The following NBEA variants were observed in gnomAD, a reference collection of about 807,000 sequenced individuals.
NBEA encodes lysosomal-trafficking regulator 2.
Under a neutral mutation model 343.4 loss-of-function variants are expected in NBEA, and 44 were observed. The observed-to-expected ratio is 0.13, with a 90% CI of 0.10 to 0.16. The LOEUF is 0.16. NBEA is among the 10% of genes least tolerant of loss of function. NBEA has a pLI of 1.00. For missense variants in NBEA, 2,555 were observed against 3,631.3 expected, an observed-to-expected ratio of 0.70 and a Z score of 7.62; for synonymous variants, 1,175 against 1,238.7, an observed-to-expected ratio of 0.95 and a Z score of 1.08.
At chr13:35,233,108 A>C (rs1016812568) in intron 34 of NBEA, among the ~76,000 whole-genome samples, 2 of 152,178 alleles carry the variant, frequency 1.3e-5, no homozygotes, top group African/African-American at 4.8e-5. Flanking sequence ...GCTTACATAC[A>C]GTAAGGAGGC....
At chr13:35,612,951 T>C (rs1475403770) in intron 48 of NBEA, among the ~76,000 whole-genome samples, 1 of 152,142 alleles carries the variant, frequency 6.6e-6, no homozygotes, top group Non-Finnish European at 1.5e-5. Flanking sequence ...CAATTAATAA[T>C]TGTTTATATT....
In NBEA at chr13:35,352,095, A is replaced by G. The variant is rs988721496; in HGVS notation, c.6013-62A>G. 5 of 1,027,758 alleles carry G rather than the reference A, an allele frequency of 4.9e-6. No individual in the cohort carries two copies. The African/African-American group carries it at 6.7e-5, about 14-fold the overall frequency. The allele number at this position is 1,027,758 out of a possible 1,614,324, so 63.7% of individuals were successfully genotyped here. ...CTGTTACCGTTTAACTTAAATGTAT[A>G]TCATCCTTACTTATATGCAGTAAAA... On this transcript the variant is annotated intron_variant, in intron 37 of 58. Transcript: ENST00000379939.
At chr13:35,624,423 T>C (rs1012475102) in intron 48 of NBEA, among the ~76,000 whole-genome samples, 3 of 152,104 alleles carry the variant, frequency 2.0e-5, no homozygotes, top group African/African-American at 7.2e-5. Flanking sequence ...ATAAAGGACA[T>C]AGAAAATGAT....
intron 36 of NBEA, among the ~76,000 whole-genome samples, chr13:35,311,943 C>G (rs1247219867): frequency 1.3e-5 from 2 of 152,156 alleles, no homozygotes; most frequent in Non-Finnish European, 2.9e-5. Context: ...TGTTTCTACT[C>G]TTCATAGGAC....
At chr13:35,035,042 ATTTCT>A (rs761863937) in intron 1 of NBEA, among the ~76,000 whole-genome samples, 26 of 151,392 alleles carry the variant, frequency 1.7e-4, no homozygotes, top group Non-Finnish European at 3.4e-4. Context: ...GATCTTTATT[ATTTCT>A]TTTCTTCTAC....
chr13:35,000,741 A>G (rs910359463), intron 1 of NBEA, among the ~76,000 whole-genome samples: 2 of 151,992 alleles, frequency 1.3e-5, no homozygotes, highest in African/African-American at 4.8e-5. Flanking sequence ...ATTTTGCTTT[A>G]TCTTTATAGA....
At chr13:35,603,507 A>G (rs902024033) in intron 47 of NBEA, among the ~76,000 whole-genome samples, 1 of 152,228 alleles carries the variant, frequency 6.6e-6, no homozygotes, top group Non-Finnish European at 1.5e-5. Flanking sequence ...ATGACCACAT[A>G]TTTTATACAG....
At chr13:35,470,244 G>A (rs1274285590) in intron 40 of NBEA, among the ~76,000 whole-genome samples, 1 of 152,162 alleles carries the variant, frequency 6.6e-6, no homozygotes, top group African/African-American at 2.4e-5. Context: ...AAAATCCAAA[G>A]GAAGCCGTCC....
chr13:35,003,903 C>T (rs907390212), intron 1 of NBEA, among the ~76,000 whole-genome samples: 1 of 152,058 alleles, frequency 6.6e-6, no homozygotes, highest in African/African-American at 2.4e-5. Context: ...AAGCCCTGCA[C>T]GCATTAGCCA....
intron 8 of NBEA, among the ~76,000 whole-genome samples, chr13:35,061,045 G>A (rs889704525): frequency 6.6e-6 from 1 of 151,778 alleles, no homozygotes; most frequent in Non-Finnish European, 1.5e-5. Flanking sequence ...TGAGCTTAGT[G>A]TAGATAGCAT....
chr13:35,436,726 A>C (rs2045464224), intron 39 of NBEA, among the ~76,000 whole-genome samples: 1 of 151,984 alleles, frequency 6.6e-6, no homozygotes, highest in Admixed American at 6.6e-5. Context: ...AAAAAAAAAA[A>C]ATCTGCTTTG....
At chr13:35,518,929 A>G (rs576884110) in intron 41 of NBEA, among the ~76,000 whole-genome samples, 6 of 152,272 alleles carry the variant, frequency 3.9e-5, no homozygotes, top group Admixed American at 3.3e-4. Flanking sequence ...CATTCACCAT[A>G]AGTCCAAATC....
chr13:35,103,196 A>T lies in NBEA; in HGVS notation c.1680+4791A>T, dbSNP rs1410334045. Among the ~76,000 whole-genome samples the T allele has an allele frequency of 4.0e-5, 6 of 151,772 alleles. No homozygotes were observed. In the South Asian group the frequency reaches 1.2e-3, roughly 31 times the overall value. On this transcript the variant is annotated intron_variant, in intron 11 of 58. Transcript: ENST00000379939. Reference sequence around the variant, plus strand: ...TTTTCAGATTTTAAACCTTCCTTATATTCCTGGACTCTCGTTTACTCCTAA... The same window carrying T: ...TTTTCAGATTTTAAACCTTCCTTATTTTCCTGGACTCTCGTTTACTCCTAA...
intron 41 of NBEA, among the ~76,000 whole-genome samples, chr13:35,529,864 T>C (rs1400769901): frequency 6.6e-6 from 1 of 152,238 alleles, no homozygotes; most frequent in African/African-American, 2.4e-5. Flanking sequence ...TTATTCTCTT[T>C]ACACATATTT....
At chr13:35,211,261 A>C in intron 33 of NBEA, 82 bp downstream of exon 33, 1 of 1,187,756 alleles carries the variant, frequency 8.4e-7, no homozygotes, top group South Asian at 1.6e-5. Flanking sequence ...ATATAGAAAG[A>C]GTTCTTGAGA....
At chr13:35,318,359 CAT>C (rs1471270372) in intron 36 of NBEA, among the ~76,000 whole-genome samples, 2 of 152,078 alleles carry the variant, frequency 1.3e-5, no homozygotes, top group African/African-American at 4.8e-5. Flanking sequence ...TTGAGATAAT[CAT>C]GTGGTTTTTG....
chr13:35,182,801 A>G (rs993863601), intron 29 of NBEA, among the ~76,000 whole-genome samples: 3 of 151,950 alleles, frequency 2.0e-5, no homozygotes, highest in African/African-American at 7.2e-5. Context: ...ACTATTTAAT[A>G]TGCAAGTAAC....
At chr13:35,029,534 T>G (rs2062131939) in intron 1 of NBEA, among the ~76,000 whole-genome samples, 1 of 151,642 alleles carries the variant, frequency 6.6e-6, no homozygotes, top group African/African-American at 2.4e-5. Flanking sequence ...TAATTTGGGC[T>G]TTCTGAAAAG....
intron 1 of NBEA, among the ~76,000 whole-genome samples, chr13:34,997,717 G>T (rs1274978881): frequency 6.6e-6 from 1 of 152,082 alleles, no homozygotes; most frequent in African/African-American, 2.4e-5. Context: ...TCACTTTTGA[G>T]GCTGAGAACT....
Sources: allele counts gnomAD v4.1 joint callset (sites outside exome capture counted in the v4.1 genomes callset), GRCh38; gene constraint gnomAD v4.1.1; transcripts MANE v1.5; gene names NCBI Gene and HGNC (gene_info 2026-07-23, HGNC 2026-07-21).